ZNF385D: variants seen among roughly 807,000 people sequenced by gnomAD.
ZNF385D encodes zinc finger protein 659.
A neutral mutation model predicts 35.8 loss-of-function variants in ZNF385D; 15 were observed. That is an observed-to-expected ratio of 0.42 (90% CI 0.28 to 0.64). ZNF385D has a LOEUF of 0.64. Among genes scored for constraint, ZNF385D ranks in the 30% least tolerant of loss-of-function variants. ZNF385D has a pLI of 0.23. For synonymous variants in ZNF385D, 212 were observed against 186.8 expected (o/e 1.13, Z -1.10); for missense variants, 474 against 494.6 (o/e 0.96, Z 0.39).
chr3:22,010,994 T>A (rs187074213), intron 3 of ZNF385D, among the ~76,000 whole-genome samples: 212 of 152,318 alleles, frequency 1.4e-3, no homozygotes, highest in African/African-American at 4.6e-3. Context: ...GATAGACTAT[T>A]TCAATGGATC....
At chr3:22,272,144 A>G (rs1353434872) in intron 2 of ZNF385D, among the ~76,000 whole-genome samples, 1 of 152,074 alleles carries the variant, frequency 6.6e-6, no homozygotes, top group African/African-American at 2.4e-5. Context: ...GACACTCAAG[A>G]TAATTTCCCA....
intron 1 of ZNF385D, among the ~76,000 whole-genome samples, chr3:21,723,613 A>C (rs1471871701): frequency 6.6e-6 from 1 of 152,230 alleles, no homozygotes; most frequent in Non-Finnish European, 1.5e-5. Context: ...AAGAATAAGA[A>C]GGAATGAACA....
At chr3:21,579,835 G>T (rs866394524) in intron 2 of ZNF385D, 22 of 150,632 alleles carry the variant, frequency 1.5e-4, no homozygotes, top group African/African-American at 5.4e-4. Flanking sequence ...CTTTTGCATT[G>T]TATTCTCCCT....
intron 1 of ZNF385D, among the ~76,000 whole-genome samples, chr3:21,742,375 G>A (rs1015730059): frequency 1.3e-5 from 2 of 152,144 alleles, no homozygotes; most frequent in South Asian, 4.1e-4. Context: ...ACTGATACTT[G>A]AGGTGGCTTT....
intron 1 of ZNF385D, among the ~76,000 whole-genome samples, chr3:21,687,243 G>A (rs752946603): frequency 2.6e-5 from 4 of 152,236 alleles, no homozygotes; most frequent in Non-Finnish European, 2.9e-5. Flanking sequence ...GATAAATGCC[G>A]CTATATGAAT....
intron 3 of ZNF385D, among the ~76,000 whole-genome samples, chr3:21,821,467 C>T (rs943500365): frequency 6.6e-6 from 1 of 152,006 alleles, no homozygotes; most frequent in East Asian, 1.9e-4. Flanking sequence ...TTAAAAAATA[C>T]AGCAAACATA....
intron 2 of ZNF385D, among the ~76,000 whole-genome samples, chr3:22,338,593 C>T (rs1695275811): frequency 6.6e-6 from 1 of 151,664 alleles, no homozygotes; most frequent in Non-Finnish European, 1.5e-5. Context: ...CTTTTCTATT[C>T]ATATTTTGAG....
At chr3:21,928,095 G>A (rs1018432647) in intron 3 of ZNF385D, among the ~76,000 whole-genome samples, 2 of 152,008 alleles carry the variant, frequency 1.3e-5, no homozygotes, top group Admixed American at 6.6e-5. Flanking sequence ...GTGGTGGTGT[G>A]TGCCTGTACT....
intron 2 of ZNF385D, among the ~76,000 whole-genome samples, chr3:21,571,877 G>A (rs1350376217): frequency 2.0e-5 from 3 of 152,108 alleles, no homozygotes; most frequent in South Asian, 2.1e-4. Flanking sequence ...GAGCTTCCAC[G>A]TCTTCTCCCC....
intron 3 of ZNF385D, among the ~76,000 whole-genome samples, chr3:21,855,866 T>G (rs551325296): frequency 1.0e-5 from 1 of 96,358 alleles, no homozygotes; most frequent in Non-Finnish European, 2.4e-5. Flanking sequence ...ATCCTATGAT[T>G]TTTTTTTTAG....
At chr3:22,012,062 T>C (rs1406548317) in intron 3 of ZNF385D, among the ~76,000 whole-genome samples, 2 of 152,140 alleles carry the variant, frequency 1.3e-5, no homozygotes, top group African/African-American at 4.8e-5. Flanking sequence ...ATCAACTTTG[T>C]GCAAGGGTTC....
At chr3:21,956,252 A>C (rs1215111456) in intron 3 of ZNF385D, among the ~76,000 whole-genome samples, 1 of 151,798 alleles carries the variant, frequency 6.6e-6, no homozygotes, top group African/African-American at 2.4e-5. Context: ...TGAAAAAGAA[A>C]AAGAACCTGA....
chr3:22,288,044 G>A (rs1005203267), intron 2 of ZNF385D, among the ~76,000 whole-genome samples: 2 of 151,748 alleles, frequency 1.3e-5, no homozygotes, highest in African/African-American at 2.4e-5. Context: ...GACAGGCAAG[G>A]TTTGTTTTTT....
intron 3 of ZNF385D, among the ~76,000 whole-genome samples, chr3:21,869,300 G>C (rs1042209869): frequency 6.6e-6 from 1 of 152,084 alleles, no homozygotes; most frequent in Admixed American, 6.6e-5. Context: ...CCTCTTCAGA[G>C]GCGGACATAG....
chr3:21,920,547 A>G (rs1277721829), intron 3 of ZNF385D, among the ~76,000 whole-genome samples: 1 of 151,186 alleles, frequency 6.6e-6, no homozygotes, highest in Non-Finnish European at 1.5e-5. Context: ...GGCTTAAGCA[A>G]GCCCTGAAAG....
chr3:22,168,859 T>C (rs1706507066), exon 3 of ZNF385D: 1 of 985,730 alleles, frequency 1.0e-6, no homozygotes, highest in African/African-American at 1.7e-5. Flanking sequence ...TGTTTTAATC[T>C]CTTTTGATGT....
At chr3:21,846,754 T>C (rs975439470) in intron 3 of ZNF385D, among the ~76,000 whole-genome samples, 5 of 151,972 alleles carry the variant, frequency 3.3e-5, no homozygotes, top group African/African-American at 1.2e-4. Flanking sequence ...CTCAAAGAAG[T>C]GGCTTTCTAG....
intron 3 of ZNF385D, among the ~76,000 whole-genome samples, chr3:21,964,037 G>A (rs553935111): frequency 4.7e-4 from 72 of 152,154 alleles, no homozygotes; most frequent in African/African-American, 1.7e-3. Flanking sequence ...TGCGGGCAAA[G>A]TATTCTGCAC....
intron 3 of ZNF385D, among the ~76,000 whole-genome samples, chr3:21,902,543 T>C (rs969790745): frequency 3.3e-5 from 5 of 152,166 alleles, no homozygotes; most frequent in African/African-American, 9.7e-5. Context: ...TCAAGTAGCT[T>C]TCATTGAGAC....
Sources: allele counts gnomAD v4.1 joint callset (sites outside exome capture counted in the v4.1 genomes callset), GRCh38; gene constraint gnomAD v4.1.1; transcripts MANE v1.5; gene names NCBI Gene and HGNC (gene_info 2026-07-23, HGNC 2026-07-21).